ATP8A2: variants seen among roughly 807,000 people sequenced by gnomAD.
The protein encoded by ATP8A2 is phospholipid-transporting ATPase IB.
Under a neutral mutation model 165.6 loss-of-function variants are expected in ATP8A2, and 100 were observed. The observed-to-expected ratio is 0.60, with a 90% CI of 0.51 to 0.71. The LOEUF is 0.71. Among genes scored for constraint, ATP8A2 ranks in the 30% least tolerant of loss-of-function variants. The probability of loss-of-function intolerance (pLI) is 0.00; values close to 1 mark genes in which losing one functional copy is unlikely to be tolerated. For synonymous variants in ATP8A2, 543 were observed against 548.8 expected (o/e 0.99, Z 0.15); for missense variants, 1,227 against 1,479.5 (o/e 0.83, Z 2.80).
chr13:25,714,659 C>T (rs955708666), intron 25 of ATP8A2, among the ~76,000 whole-genome samples: 11 of 152,156 alleles, frequency 7.2e-5, no homozygotes, highest in African/African-American at 2.7e-4. Flanking sequence ...GCTAACCAAA[C>T]CTTCACTTTC....
chr13:25,766,639 G>A (rs1160527914), intron 25 of ATP8A2, among the ~76,000 whole-genome samples: 2 of 152,188 alleles, frequency 1.3e-5, no homozygotes, highest in Non-Finnish European at 2.9e-5. Flanking sequence ...GTGATTTATT[G>A]TTGAAACTGT....
intron 24 of ATP8A2, among the ~76,000 whole-genome samples, chr13:25,654,396 G>T (rs1416427506): frequency 1.3e-5 from 2 of 152,148 alleles, no homozygotes; most frequent in Non-Finnish European, 2.9e-5. Flanking sequence ...ATGGAGATGG[G>T]ATTTCATCAT....
At chr13:26,011,194 C>G (rs1037866097) in intron 35 of ATP8A2, among the ~76,000 whole-genome samples, 6 of 152,170 alleles carry the variant, frequency 3.9e-5, no homozygotes, top group Non-Finnish European at 8.8e-5. Context: ...GGCTGTGTGG[C>G]TTAAACAGCA....
intron 33 of ATP8A2, among the ~76,000 whole-genome samples, chr13:25,883,079 C>T (rs544144335): frequency 1.4e-3 from 214 of 152,240 alleles, no homozygotes; most frequent in African/African-American, 4.9e-3. Context: ...GTGAAGTTAA[C>T]AGCCCTGCTC....
intron 26 of ATP8A2, among the ~76,000 whole-genome samples, chr13:25,771,574 C>CCAGAGAAATTAAAAGTG (rs2044619874): frequency 1.3e-5 from 2 of 152,178 alleles, no homozygotes; most frequent in Non-Finnish European, 2.9e-5. Flanking sequence ...AGCAATTGCT[C>CCAGAGAAATTAAAAGTG]TCTTCAAATT....
At chr13:25,411,652 G>A (rs554817234) in intron 1 of ATP8A2, among the ~76,000 whole-genome samples, 6 of 152,176 alleles carry the variant, frequency 3.9e-5, no homozygotes, top group African/African-American at 1.4e-4. Context: ...AAAAAATACT[G>A]CATAATTCCA....
intron 24 of ATP8A2, among the ~76,000 whole-genome samples, chr13:25,682,100 TA>T (rs1008013893): frequency 2.0e-5 from 3 of 151,936 alleles, no homozygotes; most frequent in Non-Finnish European, 2.9e-5. Flanking sequence ...AAGCAAAATT[TA>T]AAAAAAACAC....
chr13:25,839,617 G>C lies in ATP8A2; in HGVS notation c.2949G>C (p.Leu983=). ...TCTTCTGGTTTCCCATGAAAGCTCT[G>C]GAGCATGGTAAGGGCTGTGTGATTT... ...LILFWFPMKA[L]EHDTVLTSGH... Residue 983 remains leucine (L), a synonymous_variant, in exon 30 of 37, where the codon CTG becomes CTC. Transcript: ENST00000381655. The C allele has an allele frequency of 1.2e-6, 2 of 1,613,644 alleles. No homozygotes were observed. The highest frequency in any genetic ancestry group is 1.7e-6 in the Non-Finnish European group (2 of 1,179,538).
At chr13:25,512,610 G>A (rs1382098833) in intron 2 of ATP8A2, among the ~76,000 whole-genome samples, 28 of 147,694 alleles carry the variant, frequency 1.9e-4, no homozygotes, top group Middle Eastern at 3.7e-3. Context: ...CTCACCTCCC[G>A]GACGGGGAGG....
At chr13:25,660,622 T>A (rs552149780) in intron 24 of ATP8A2, among the ~76,000 whole-genome samples, 1 of 150,986 alleles carries the variant, frequency 6.6e-6, no homozygotes, top group Non-Finnish European at 1.5e-5. Flanking sequence ...TAACTAAAGA[T>A]GACAAATTAT....
intron 33 of ATP8A2, among the ~76,000 whole-genome samples, chr13:25,915,654 A>G (rs539646493): frequency 3.5e-4 from 54 of 152,354 alleles, no homozygotes; most frequent in Non-Finnish European, 4.4e-4. Flanking sequence ...GGAAGGTGCT[A>G]GAAAATGCAG....
chr13:25,417,775 T>C (rs9581340), intron 1 of ATP8A2, among the ~76,000 whole-genome samples: 40,621 of 152,176 alleles, frequency 0.27, 5,643 homozygotes, highest in East Asian at 0.46. Flanking sequence ...TTACACAGTG[T>C]CTGCCTCAGC....
chr13:25,374,164 C>T (rs1375704138), intron 1 of ATP8A2, among the ~76,000 whole-genome samples: 4 of 152,124 alleles, frequency 2.6e-5, no homozygotes, highest in East Asian at 1.9e-4. Flanking sequence ...GGGAGGTCCC[C>T]GGAAACCCGG....
intron 35 of ATP8A2, among the ~76,000 whole-genome samples, chr13:25,991,467 C>T (rs532903315): frequency 5.9e-5 from 9 of 152,320 alleles, no homozygotes; most frequent in African/African-American, 2.2e-4. Flanking sequence ...CTACCCTTTC[C>T]ATCCCGCCAT....
chr13:25,837,318 C>G, intron 29 of ATP8A2, 33 bp downstream of exon 29: 1 of 1,610,680 alleles, frequency 6.2e-7, no homozygotes, highest in Non-Finnish European at 8.5e-7. Flanking sequence ...ACTGTCACCT[C>G]AGAAAGGCGT....
At chr13:25,651,906 C>T (rs921567021) in intron 24 of ATP8A2, among the ~76,000 whole-genome samples, 1 of 151,450 alleles carries the variant, frequency 6.6e-6, no homozygotes, top group Non-Finnish European at 1.5e-5. Flanking sequence ...TTGTTTATTA[C>T]TTTTGTACTT....
At chr13:25,768,949 G>T in intron 25 of ATP8A2, 97 bp from the exon 26 acceptor site, 1 of 1,165,350 alleles carries the variant, frequency 8.6e-7, no homozygotes, top group Non-Finnish European at 1.3e-6. Flanking sequence ...TTTGGAGATC[G>T]TCCAGTAACT....
chr13:25,479,917 C>T (rs572706494), intron 2 of ATP8A2, among the ~76,000 whole-genome samples: 127 of 152,182 alleles, frequency 8.3e-4, no homozygotes, highest in Non-Finnish European at 1.4e-3. Context: ...GGCAACCATC[C>T]GATTTCTCAA....
intron 33 of ATP8A2, among the ~76,000 whole-genome samples, chr13:25,952,901 G>A (rs1440317104): frequency 6.6e-6 from 1 of 152,160 alleles, no homozygotes; most frequent in African/African-American, 2.4e-5. Context: ...AAAAGAGAAG[G>A]AGATTTACCT....
Sources: gnomAD v4.1 joint callset for allele counts (sites outside exome capture counted in the v4.1 genomes callset) on GRCh38, gnomAD v4.1.1 for gene constraint, MANE v1.5 for transcripts, NCBI Gene and HGNC (gene_info 2026-07-23, HGNC 2026-07-21) for gene names.